Variants in GRID2 observed in about 807,000 individuals in gnomAD.
The protein encoded by GRID2 is glutamate ionotropic receptor delta type subunit 2, also known as glutamate receptor ionotropic, delta-2.
Under a neutral mutation model 114.8 loss-of-function variants are expected in GRID2, and 33 were observed. The observed-to-expected ratio is 0.29, with a 90% CI of 0.22 to 0.38. The LOEUF (loss-of-function observed/expected upper bound fraction) is 0.38, where lower values mean the gene tolerates loss of function less well. Among genes scored for constraint, GRID2 ranks in the 10% least tolerant of loss-of-function variants. The probability of loss-of-function intolerance (pLI) is 1.00; values close to 1 mark genes in which losing one functional copy is unlikely to be tolerated. For synonymous variants in GRID2, 505 were observed against 449.9 expected, an observed-to-expected ratio of 1.12 and a Z score of -1.55; for missense variants, 1,184 against 1,257.7, an observed-to-expected ratio of 0.94 and a Z score of 0.89.
At chr4:92,982,030 A>G (rs1291358376) in intron 2 of GRID2, among the ~76,000 whole-genome samples, 1 of 144,424 alleles carries the variant, frequency 6.9e-6, no homozygotes, top group Admixed American at 7.3e-5. Context: ...GGTAAAAAAA[A>G]AAAAAAAAAA....
At chr4:93,234,261 A>T (rs1466752858) in intron 7 of GRID2, among the ~76,000 whole-genome samples, 1 of 152,136 alleles carries the variant, frequency 6.6e-6, no homozygotes, top group Non-Finnish European at 1.5e-5. Flanking sequence ...ATCATAAAGT[A>T]GGTAAACTGG....
chr4:93,553,339 G>T (rs1733968940), intron 13 of GRID2, among the ~76,000 whole-genome samples: 1 of 152,156 alleles, frequency 6.6e-6, no homozygotes, highest in Non-Finnish European at 1.5e-5. Flanking sequence ...GTGAGAGGTG[G>T]TATCTCATTG....
At chr4:93,676,674 C>A (rs1724888143) in intron 14 of GRID2, among the ~76,000 whole-genome samples, 1 of 150,022 alleles carries the variant, frequency 6.7e-6, no homozygotes, top group African/African-American at 2.5e-5. Context: ...TCAATTCCCA[C>A]CTATGAATGA....
intron 1 of GRID2, among the ~76,000 whole-genome samples, chr4:93,803,027 G>A (rs1467789441): frequency 6.6e-6 from 1 of 152,226 alleles, no homozygotes; most frequent in Non-Finnish European, 1.5e-5. Context: ...AACATAGAAA[G>A]TGTTTCAGTT....
intron 1 of GRID2, among the ~76,000 whole-genome samples, chr4:92,471,208 G>A (rs1321054319): frequency 6.6e-6 from 1 of 151,970 alleles, no homozygotes; most frequent in African/African-American, 2.4e-5. Flanking sequence ...CTGAGGTATT[G>A]GTATAAGGTT....
At chr4:92,584,856 T>G (rs1728353082) in intron 1 of GRID2, among the ~76,000 whole-genome samples, 1 of 152,050 alleles carries the variant, frequency 6.6e-6, no homozygotes, top group Non-Finnish European at 1.5e-5. Context: ...CTACATCTTG[T>G]AACCTTTGGC....
chr4:93,538,571 G>C (rs1462000024), intron 13 of GRID2, among the ~76,000 whole-genome samples: 1 of 151,666 alleles, frequency 6.6e-6, no homozygotes, highest in Non-Finnish European at 1.5e-5. Context: ...AAAAAATAGA[G>C]ATATCTGACA....
chr4:93,162,445 G>A (rs1560940695), intron 4 of GRID2, among the ~76,000 whole-genome samples: 1 of 151,816 alleles, frequency 6.6e-6, no homozygotes, highest in South Asian at 2.1e-4. Context: ...ATAAGGATAG[G>A]CCTGTGTTAG....
chr4:93,126,830 C>T (rs1044925940), intron 4 of GRID2, among the ~76,000 whole-genome samples: 2 of 151,766 alleles, frequency 1.3e-5, no homozygotes, highest in Admixed American at 1.3e-4. Context: ...ATCTCCTGAC[C>T]TCGTGATCCG....
chr4:92,318,311 T>A (rs866963127), intron 1 of GRID2, among the ~76,000 whole-genome samples: 3,730 of 126,656 alleles, frequency 0.029, 29 homozygotes, highest in African/African-American at 0.035. Flanking sequence ...TATATATATT[T>A]TTTTTTTTTT....
At chr4:93,495,342 C>T (rs1448006057) in intron 12 of GRID2, among the ~76,000 whole-genome samples, 1 of 151,750 alleles carries the variant, frequency 6.6e-6, no homozygotes, top group Non-Finnish European at 1.5e-5. Context: ...CCTTGGTCTA[C>T]ATTTTGAAAA....
chr4:93,616,599 A>T (rs1051570230), intron 13 of GRID2, among the ~76,000 whole-genome samples: 1 of 141,530 alleles, frequency 7.1e-6, no homozygotes, highest in Admixed American at 7.0e-5. Flanking sequence ...TAAAATAAAT[A>T]TTTTATTATA....
chr4:93,454,281 C>A (rs1239934613), intron 10 of GRID2, among the ~76,000 whole-genome samples: 1 of 151,894 alleles, frequency 6.6e-6, no homozygotes, highest in Non-Finnish European at 1.5e-5. Context: ...CCCTGAGTGC[C>A]TACTATATGG....
At chr4:93,205,418 T>A (rs993667011) in intron 4 of GRID2, among the ~76,000 whole-genome samples, 1 of 152,182 alleles carries the variant, frequency 6.6e-6, no homozygotes, top group African/African-American at 2.4e-5. Flanking sequence ...TTTGGTTTTT[T>A]GTCCTTGCGA....
intron 14 of GRID2, among the ~76,000 whole-genome samples, chr4:93,645,143 G>T (rs1266694444): frequency 6.6e-6 from 1 of 152,162 alleles, no homozygotes; most frequent in Non-Finnish European, 1.5e-5. Flanking sequence ...GAAAGGGAAG[G>T]AAAAGATATT....
intron 14 of GRID2, among the ~76,000 whole-genome samples, chr4:93,690,840 T>TA: frequency 6.7e-6 from 1 of 150,046 alleles, no homozygotes; most frequent in Middle Eastern, 3.6e-3. Context: ...ATTTTATATA[T>TA]AATATGTTGT....
chr4:93,538,842 A>G (rs1193731723), intron 13 of GRID2, among the ~76,000 whole-genome samples: 2 of 151,880 alleles, frequency 1.3e-5, no homozygotes, highest in East Asian at 3.9e-4. Context: ...CATAACAACT[A>G]AATGTAATGT....
intron 2 of GRID2, among the ~76,000 whole-genome samples, chr4:92,865,720 T>C (rs1197846733): frequency 1.3e-5 from 2 of 152,234 alleles, no homozygotes. Flanking sequence ...ATAAGTTGAA[T>C]GACTGAATGA....
intron 8 of GRID2, among the ~76,000 whole-genome samples, chr4:93,377,012 G>A (rs1317948870): frequency 2.0e-5 from 3 of 152,150 alleles, no homozygotes; most frequent in Admixed American, 6.5e-5. Flanking sequence ...ATCTTGGGAA[G>A]TATGATAATG....
Sources: allele counts gnomAD v4.1 joint callset (sites outside exome capture counted in the v4.1 genomes callset), GRCh38; gene constraint gnomAD v4.1.1; transcripts MANE v1.5; gene names NCBI Gene and HGNC (gene_info 2026-07-23, HGNC 2026-07-21).